Variants in NOX4 observed in about 807,000 individuals in gnomAD.
NOX4 encodes the protein kidney oxidase-1.
A neutral mutation model predicts 87.6 loss-of-function variants in NOX4; 69 were observed. That is an observed-to-expected ratio of 0.79 (90% confidence interval 0.65 to 0.96). The LOEUF (loss-of-function observed/expected upper bound fraction) is 0.96. Ranked by LOEUF, NOX4 falls within the 40% of genes least tolerant of loss-of-function variation. The pLI is 0.00. For synonymous variants in NOX4, 275 were observed against 238.2 expected, an observed-to-expected ratio of 1.15 and a Z score of -1.42; for missense variants, 680 against 681.5, an observed-to-expected ratio of 1.00 and a Z score of 0.02.
intron 8 of NOX4, among the ~76,000 whole-genome samples, chr11:89,411,090 A>T (rs1173131248): frequency 6.6e-6 from 1 of 152,130 alleles, no homozygotes; most frequent in Non-Finnish European, 1.5e-5. Context: ...CCAGGCACTA[A>T]CTGTCAAATG....
At position 89,391,395 on chromosome 11, in the gene NOX4, G is replaced by A. The variant is rs532804166; in HGVS notation, c.1074+8622C>T. On this transcript the variant is annotated intron_variant, in intron 11 of 17. Coordinates refer to ENST00000263317, the MANE Select transcript of NOX4 (RefSeq NM_016931.5). ...GTGTGAATACATGGAAGAAAATGAGGTTGTTTCCCAGGGTGAGACCCAAAA... is the reference window on the plus strand; with the variant it reads ...GTGTGAATACATGGAAGAAAATGAGATTGTTTCCCAGGGTGAGACCCAAAA... 2.6e-5 allele frequency among the ~76,000 whole-genome samples: 4 copies of A among 152,212 alleles called. No homozygotes were observed. The South Asian group carries it at 8.3e-4, about 32-fold the overall frequency.
rs146266162 is a variant in NOX4, at chr11:89,398,534, A to G, written c.1074+1483T>C. On this transcript the variant is annotated intron_variant, in intron 11 of 17. Coordinates refer to ENST00000263317, the MANE Select transcript of NOX4 (RefSeq NM_016931.5). ...AACTTCTTAAGTTATTTAAGTAAAG[A>G]CAAACTTACTTGTGTATTTTCTCCC... is the stretch of plus-strand genomic sequence containing the variant. 7.7e-3 allele frequency among the ~76,000 whole-genome samples: 1,164 copies of G among 151,846 alleles called. 18 individuals are homozygous for G. The highest frequency in any genetic ancestry group is 0.027 in the African/African-American group (1,106 of 41,458).
At chr11:89,353,625 C>T (rs1287513922) in intron 13 of NOX4, among the ~76,000 whole-genome samples, 4 of 152,082 alleles carry the variant, frequency 2.6e-5, no homozygotes, top group Non-Finnish European at 5.9e-5. Flanking sequence ...GACTTTATTG[C>T]AGTGGCCTAG....
intron 17 of NOX4, among the ~76,000 whole-genome samples, chr11:89,332,572 T>C (rs1945518149): frequency 6.6e-6 from 1 of 151,904 alleles, no homozygotes; most frequent in Admixed American, 6.6e-5. Flanking sequence ...ATTAATTCTT[T>C]TAGTGTTACA....
At chr11:89,518,382 G>A in the NOX4 span, among the ~76,000 whole-genome samples, 7 of 150,976 alleles carry the variant, frequency 4.6e-5, no homozygotes, top group Non-Finnish European at 8.9e-5. Context: ...TTGGGGGGGG[G>A]ACAAAGATGC....
the NOX4 span, among the ~76,000 whole-genome samples, chr11:89,525,846 T>C: frequency 6.6e-6 from 1 of 152,126 alleles, no homozygotes; most frequent in Non-Finnish European, 1.5e-5. Context: ...ATGTTTAGAT[T>C]TTATATTCAT....
chr11:89,348,470 TG>T (rs1299896683), intron 13 of NOX4, among the ~76,000 whole-genome samples: 1 of 151,506 alleles, frequency 6.6e-6, no homozygotes, highest in Non-Finnish European at 1.5e-5. Context: ...TATATATATA[TG>T]CCAGGCCTGG....
rs565995188 is a variant in NOX4, at chr11:89,421,438, C to A, written c.629+464G>T. Among the ~76,000 whole-genome samples, 4 of 151,824 alleles carry A rather than the reference C, an allele frequency of 2.6e-5. No homozygotes were observed. The South Asian group carries it at 6.2e-4, about 24-fold the overall frequency. On this transcript the variant is annotated intron_variant, in intron 8 of 17. Coordinates refer to ENST00000263317, the MANE Select transcript of NOX4 (RefSeq NM_016931.5). ...TTTTCCTTGGTGATTTTGACAGATC[C>A]TTTTCTTTGGTTATTTTAAATCTTT...
the NOX4 span, among the ~76,000 whole-genome samples, chr11:89,537,103 A>T: frequency 6.6e-6 from 1 of 152,246 alleles, no homozygotes; most frequent in African/African-American, 2.4e-5. Flanking sequence ...ATCCAGAGCC[A>T]AGGAGAGCAG....
chr11:89,576,830 A>C, the NOX4 span: 2 of 152,144 alleles, frequency 1.3e-5, no homozygotes, highest in African/African-American at 4.8e-5. Flanking sequence ...TAATGGAGCT[A>C]TATATGATTA....
chr11:89,572,254 T>C, the NOX4 span, among the ~76,000 whole-genome samples: 1 of 152,222 alleles, frequency 6.6e-6, no homozygotes, highest in Non-Finnish European at 1.5e-5. Flanking sequence ...CAAATACCTT[T>C]TGGTTTACAA....
chr11:89,399,009 T>C (rs1423527504), intron 11 of NOX4, among the ~76,000 whole-genome samples: 1 of 151,990 alleles, frequency 6.6e-6, no homozygotes, highest in Non-Finnish European at 1.5e-5. Flanking sequence ...GAAAGACATA[T>C]GTCAAACAGT....
chr11:89,418,422 GAAT>G (rs113480992), intron 8 of NOX4, among the ~76,000 whole-genome samples: 7,038 of 139,686 alleles, frequency 0.05, 240 homozygotes, highest in African/African-American at 0.1. Context: ...TGAACATTGA[GAAT>G]AATAATAATA....
At chr11:89,468,629 CG>C (rs1945803872) in intron 2 of NOX4, among the ~76,000 whole-genome samples, 1 of 152,114 alleles carries the variant, frequency 6.6e-6, no homozygotes, top group Non-Finnish European at 1.5e-5. Flanking sequence ...AAAATGGGAG[CG>C]GGTGAGAGAA....
chr11:89,347,563 A>G (rs1282103347), intron 13 of NOX4, among the ~76,000 whole-genome samples: 5 of 152,212 alleles, frequency 3.3e-5, no homozygotes, highest in Admixed American at 3.3e-4. Flanking sequence ...TTTGTAATAC[A>G]GAACAAAAAG....
chr11:89,574,164 A>T, the NOX4 span, among the ~76,000 whole-genome samples: 1 of 152,124 alleles, frequency 6.6e-6, no homozygotes, highest in African/African-American at 2.4e-5. Flanking sequence ...CCATCACTTG[A>T]CATTGCTAGT....
At chr11:89,431,310 C>T (rs780240306) in intron 7 of NOX4, among the ~76,000 whole-genome samples, 9 of 152,130 alleles carry the variant, frequency 5.9e-5, no homozygotes, top group Non-Finnish European at 1.2e-4. Flanking sequence ...GACTTCATGT[C>T]TAAAACACCA....
chr11:89,448,413 A>G (rs1944806054), intron 4 of NOX4, among the ~76,000 whole-genome samples: 1 of 152,216 alleles, frequency 6.6e-6, no homozygotes, highest in South Asian at 2.1e-4. Flanking sequence ...TATTTTAAAA[A>G]GGCTTATAAT....
At chr11:89,467,238 C>T (rs1945735902) in intron 2 of NOX4, among the ~76,000 whole-genome samples, 1 of 149,468 alleles carries the variant, frequency 6.7e-6, no homozygotes, top group African/African-American at 2.5e-5. Context: ...GTAGTCCCAG[C>T]TACTAGGGAG....
Sources: gnomAD v4.1 joint callset for allele counts (sites outside exome capture counted in the v4.1 genomes callset) on GRCh38, gnomAD v4.1.1 for gene constraint, MANE v1.5 for transcripts, NCBI Gene and HGNC (gene_info 2026-07-23, HGNC 2026-07-21) for gene names.